ADGRL3: variants seen among roughly 807,000 people sequenced by gnomAD.
ADGRL3 encodes calcium-independent alpha-latrotoxin receptor 3.
ADGRL3 carries 62 observed loss-of-function variants against 153.5 expected under a neutral mutation model. The observed-to-expected ratio is 0.40, with a 90% CI of 0.33 to 0.50. The LOEUF (loss-of-function observed/expected upper bound fraction) is 0.50. Ranked by LOEUF, ADGRL3 falls within the 20% of genes least tolerant of loss-of-function variation. The pLI is 0.47. For missense variants in ADGRL3, 1,641 were observed against 1,859.4 expected, an observed-to-expected ratio of 0.88 and a Z score of 2.16; for synonymous variants, 710 against 672.5, an observed-to-expected ratio of 1.06 and a Z score of -0.86.
intron 6 of ADGRL3, among the ~76,000 whole-genome samples, chr4:61,730,074 T>C (rs2096413562): frequency 6.6e-6 from 1 of 152,002 alleles, no homozygotes; most frequent in Non-Finnish European, 1.5e-5. Flanking sequence ...TCAACATTAA[T>C]GTGTAGTCTC....
chr4:61,580,167 AGAAACTCTTTT>A (rs2098917748), intron 4 of ADGRL3, among the ~76,000 whole-genome samples: 2 of 149,130 alleles, frequency 1.3e-5, no homozygotes, highest in Admixed American at 6.7e-5. Flanking sequence ...CAGATATGTA[AGAAACTCTTTT>A]AGAATCATTA....
intron 4 of ADGRL3, among the ~76,000 whole-genome samples, chr4:61,543,570 A>G (rs2098700599): frequency 6.6e-6 from 1 of 152,148 alleles, no homozygotes; most frequent in Admixed American, 6.5e-5. Context: ...CTTTGTGGTA[A>G]TTTGTTACTG....
intron 9 of ADGRL3, among the ~76,000 whole-genome samples, chr4:61,859,554 A>G (rs2098318062): frequency 1.3e-5 from 2 of 152,164 alleles, no homozygotes; most frequent in African/African-American, 4.8e-5. Context: ...CTTCACATTG[A>G]CTCCATACCA....
chr4:61,676,484 G>C (rs541344149), intron 5 of ADGRL3, among the ~76,000 whole-genome samples: 1 of 151,730 alleles, frequency 6.6e-6, no homozygotes. Context: ...GTACTGGAGT[G>C]AGTCTTTCCT....
intron 1 of ADGRL3, among the ~76,000 whole-genome samples, chr4:61,228,068 T>A (rs186850015): frequency 4.6e-5 from 7 of 152,358 alleles, no homozygotes; most frequent in Non-Finnish European, 8.8e-5. Context: ...ATTAACTGAA[T>A]TGCAGATCTT....
intron 5 of ADGRL3, among the ~76,000 whole-genome samples, chr4:61,644,846 C>A (rs1348242901): frequency 6.6e-6 from 1 of 151,920 alleles, no homozygotes; most frequent in Non-Finnish European, 1.5e-5. Context: ...TCCTTGTTGA[C>A]TTTCTGTCTC....
At position 61,766,532 on chromosome 4, in the gene ADGRL3, T is replaced by C. The variant is rs201941565; in HGVS notation, c.1399+32978T>C. 3.0e-4 allele frequency among the ~76,000 whole-genome samples: 45 copies of C among 152,156 alleles called. No individual in the cohort carries two copies. The East Asian group carries it at 3.9e-3, about 13-fold the overall frequency. ...GGAGTTGTTGTTTTGTAGAAGGTGC[T>C]TGGGTTTGAGAGATCAGTCGGACAC... On this transcript the variant is annotated intron_variant, in intron 8 of 26. Coordinates refer to ENST00000683033, the MANE Select transcript of ADGRL3 (RefSeq NM_001387552.1).
chr4:61,976,889 A>G (rs920935362), intron 17 of ADGRL3, among the ~76,000 whole-genome samples: 3 of 152,136 alleles, frequency 2.0e-5, no homozygotes, highest in South Asian at 2.1e-4. Context: ...TTTCCCATTC[A>G]TGTTACTGGT....
At chr4:61,883,642 T>C (rs990978616) in intron 9 of ADGRL3, among the ~76,000 whole-genome samples, 2 of 152,194 alleles carry the variant, frequency 1.3e-5, no homozygotes, top group Non-Finnish European at 2.9e-5. Flanking sequence ...TAAGAAGATA[T>C]GTCTGTTACT....
At chr4:61,565,735 GC>G (rs1428019730) in intron 4 of ADGRL3, among the ~76,000 whole-genome samples, 1 of 151,712 alleles carries the variant, frequency 6.6e-6, no homozygotes, top group Non-Finnish European at 1.5e-5. Flanking sequence ...ATGGGATTTC[GC>G]CATGTTGGCC....
intron 2 of ADGRL3, among the ~76,000 whole-genome samples, chr4:61,429,969 A>T (rs978081257): frequency 6.6e-6 from 1 of 152,090 alleles, no homozygotes; most frequent in African/African-American, 2.4e-5. Flanking sequence ...TTATCCATAT[A>T]TTGGCTTAAG....
At chr4:61,576,804 G>A (rs939931718) in intron 4 of ADGRL3, among the ~76,000 whole-genome samples, 4 of 151,518 alleles carry the variant, frequency 2.6e-5, no homozygotes, top group African/African-American at 9.7e-5. Flanking sequence ...ACATAACAAT[G>A]TGAAAATACA....
At chr4:61,649,216 G>A (rs888578655) in intron 5 of ADGRL3, among the ~76,000 whole-genome samples, 11 of 152,010 alleles carry the variant, frequency 7.2e-5, no homozygotes, top group East Asian at 5.8e-4. Context: ...ATGTAACATC[G>A]CTTATTTGCC....
intron 9 of ADGRL3, among the ~76,000 whole-genome samples, chr4:61,858,707 G>C (rs1313321907): frequency 1.3e-5 from 2 of 152,140 alleles, no homozygotes; most frequent in Non-Finnish European, 2.9e-5. Context: ...TCTTTTGTTT[G>C]TTTGTTTGTT....
At chr4:61,883,875 C>T (rs1264181050) in intron 9 of ADGRL3, among the ~76,000 whole-genome samples, 1 of 151,984 alleles carries the variant, frequency 6.6e-6, no homozygotes, top group African/African-American at 2.4e-5. Context: ...TCTGAATCCC[C>T]GATGCCCAGC....
At chr4:61,255,926 C>G (rs1015271519) in intron 1 of ADGRL3, among the ~76,000 whole-genome samples, 1 of 152,128 alleles carries the variant, frequency 6.6e-6, no homozygotes, top group Non-Finnish European at 1.5e-5. Flanking sequence ...TACTGTTCTC[C>G]TCTTTTGCAA....
At chr4:61,697,584 C>T (rs56759818) in intron 6 of ADGRL3, among the ~76,000 whole-genome samples, 1 of 151,282 alleles carries the variant, frequency 6.6e-6, no homozygotes, top group Non-Finnish European at 1.5e-5. Context: ...AAATATTATC[C>T]AGAACTTCAA....
rs1478312820 is a variant in ADGRL3 at position 62,031,444 on chromosome 4, C to T, written c.3425C>T (p.Ser1142Leu). The T allele has an allele frequency of 6.2e-7, 1 of 1,606,186 alleles. No homozygotes were observed. The highest frequency in any genetic ancestry group is 8.5e-7 in the Non-Finnish European group (1 of 1,175,162). ...TTAATTTTCTCTTCTCTCTACAGGTCATGGGTTATAGGTGCAATAGCTCTT... is the reference window on the plus strand; with the variant it reads ...TTAATTTTCTCTTCTCTCTACAGGTTATGGGTTATAGGTGCAATAGCTCTT... ...NYEDNRPFIK[S>L]WVIGAIALLC... The change falls in exon 23 of 27, where the codon TCA (serine) becomes TTA (leucine). Residue 1142 changes from serine (S) to leucine (L), a missense_variant and splice_region_variant. By Grantham distance (145) the Ser-to-Leu change is moderately radical. Coordinates refer to ENST00000683033, the MANE Select transcript of ADGRL3 (RefSeq NM_001387552.1).
chr4:61,407,658 A>G (rs994465136), intron 2 of ADGRL3, among the ~76,000 whole-genome samples: 2 of 152,180 alleles, frequency 1.3e-5, no homozygotes, highest in African/African-American at 4.8e-5. Flanking sequence ...AACAACTTGA[A>G]GGGTTAGAAA....
Sources: allele counts gnomAD v4.1 joint callset (sites outside exome capture counted in the v4.1 genomes callset), GRCh38; gene constraint gnomAD v4.1.1; transcripts MANE v1.5; gene names NCBI Gene and HGNC (gene_info 2026-07-23, HGNC 2026-07-21).